Variants in ZFP64 observed in about 807,000 individuals in gnomAD.
ZFP64 encodes zinc finger protein 64.
In ZFP64, 14 loss-of-function variants were observed where a neutral mutation model predicts 51.6. The ratio of observed to expected loss-of-function variants is 0.27; its 90% confidence interval spans 0.18 to 0.42. The LOEUF is 0.42. Among genes scored for constraint, ZFP64 ranks in the 10% least tolerant of loss-of-function variants. ZFP64 has a pLI of 1.00. For synonymous variants in ZFP64, 375 were observed against 361.4 expected (o/e 1.04, Z -0.43); for missense variants, 754 against 906.8 (o/e 0.83, Z 2.16).
intron 5 of ZFP64, among the ~76,000 whole-genome samples, chr20:52,125,261 C>G (rs776506279): frequency 3.3e-5 from 5 of 152,212 alleles, no homozygotes; most frequent in African/African-American, 1.2e-4. Flanking sequence ...TCAATGAAAC[C>G]AGGGTGGGAA....
chr20:52,084,276 G>A (rs187164979), exon 9 of ZFP64: 3 of 444,008 alleles, frequency 6.8e-6, no homozygotes, highest in Non-Finnish European at 1.2e-5. Flanking sequence ...TATCCCCATT[G>A]GATAGAGCAG....
rs572246427 is a variant in ZFP64 at position 52,093,499 on chromosome 20, G to T, written c.976+3874C>A. Among the ~76,000 whole-genome samples, 25 of 152,290 alleles carry T rather than the reference G, an allele frequency of 1.6e-4. No homozygotes were observed. In the South Asian group the frequency reaches 5.0e-3, roughly 30 times the overall value. On this transcript the variant is annotated intron_variant, in intron 7 of 8. Coordinates refer to the ZFP64 transcript ENST00000361387. The stretch of plus-strand genomic sequence containing the variant: ...ATTTCAGGGGTCTAAGATCTTATAT[G>T]GGAAATGATTGCATTTTTATCTTCC...
chr20:52,092,810 T>A (rs1387483807), intron 7 of ZFP64, among the ~76,000 whole-genome samples: 1 of 152,002 alleles, frequency 6.6e-6, no homozygotes, highest in Non-Finnish European at 1.5e-5. Flanking sequence ...AAGCCAAGAG[T>A]GCACCACTGT....
intron 8 of ZFP64, chr20:52,088,200 G>T: frequency 1.2e-6 from 1 of 855,832 alleles, no homozygotes; most frequent in Non-Finnish European, 1.8e-6. Context: ...AAACCCAGCT[G>T]TCAGTCATAT....
intron 5 of ZFP64, chr20:52,105,450 G>A (rs1978306934): frequency 3.8e-6 from 4 of 1,052,748 alleles, no homozygotes; most frequent in Admixed American, 4.3e-5. Context: ...GTCCGCTCCC[G>A]GGCAGCCCGC....
At chr20:52,103,128 G>C (rs2079071241) in intron 5 of ZFP64, among the ~76,000 whole-genome samples, 1 of 152,182 alleles carries the variant, frequency 6.6e-6, no homozygotes, top group Non-Finnish European at 1.5e-5. Flanking sequence ...TCTGCCTCTG[G>C]AAGTGGGGGT....
chr20:52,162,461 C>T (rs909438001), intron 4 of ZFP64, among the ~76,000 whole-genome samples: 1 of 151,606 alleles, frequency 6.6e-6, no homozygotes, highest in Non-Finnish European at 1.5e-5. Context: ...CCTGTCTCTA[C>T]CAAAAATACA....
intron 5 of ZFP64, among the ~76,000 whole-genome samples, chr20:52,107,278 C>T (rs1191452219): frequency 6.6e-6 from 1 of 152,090 alleles, no homozygotes; most frequent in Non-Finnish European, 1.5e-5. Flanking sequence ...TGTTATTTCA[C>T]CTCAGGTGTA....
intron 7 of ZFP64, chr20:52,089,003 T>TC (rs745509064): frequency 1.9e-6 from 1 of 525,792 alleles, no homozygotes; most frequent in African/African-American, 1.9e-5. Flanking sequence ...GTGGACCCCT[T>TC]CCTCTCACTT....
intron 1 of ZFP64, among the ~76,000 whole-genome samples, chr20:52,188,314 T>C (rs980108661): frequency 0.13 from 17,925 of 137,140 alleles, 1,639 homozygotes; most frequent in African/African-American, 0.28. Context: ...CTTTCTTTTT[T>C]TTTTTTTTTT....
chr20:52,084,447 C>T (rs1344252195), exon 9 of ZFP64: 11 of 1,124,076 alleles, frequency 9.8e-6, no homozygotes, highest in Non-Finnish European at 1.2e-6. Context: ...TTGGAGCGGC[C>T]AGCCCCAGAA....
At chr20:52,172,880 T>A (rs906433750) in intron 2 of ZFP64, among the ~76,000 whole-genome samples, 1 of 152,318 alleles carries the variant, frequency 6.6e-6, no homozygotes, top group South Asian at 2.1e-4. Flanking sequence ...TCCAGGGGAT[T>A]TCCCTTCTTT....
intron 5 of ZFP64, among the ~76,000 whole-genome samples, chr20:52,155,010 T>A (rs1411621644): frequency 1.3e-5 from 2 of 152,168 alleles, no homozygotes; most frequent in African/African-American, 4.8e-5. Context: ...GAACCCTTCT[T>A]AGATAATGTT....
intron 2 of ZFP64, among the ~76,000 whole-genome samples, chr20:52,172,741 T>C (rs1376505278): frequency 1.3e-5 from 2 of 151,888 alleles, no homozygotes; most frequent in African/African-American, 4.8e-5. Context: ...AGCTCAGGGC[T>C]TCAGCCTCTA....
rs1450656601 is a variant in ZFP64, at chr20:52,175,490, C to T, written c.287-9465G>A. 4.6e-5 allele frequency among the ~76,000 whole-genome samples: 7 copies of T among 152,180 alleles called. No individual in the cohort carries two copies. In the East Asian group the frequency reaches 1.3e-3, roughly 29 times the overall value. ...GTTGTTTTTTGCAGTGTCGTTCATGCTTAGGATTCTCATTTAGGGTTCTTG... is the reference window on the plus strand; with the variant it reads ...GTTGTTTTTTGCAGTGTCGTTCATGTTTAGGATTCTCATTTAGGGTTCTTG... On this transcript the variant is annotated intron_variant, in intron 2 of 5. Coordinates refer to ENST00000216923, the MANE Select transcript of ZFP64 (RefSeq NM_018197.3).
At chr20:52,158,632 G>T (rs1218486236) in intron 5 of ZFP64, among the ~76,000 whole-genome samples, 3 of 152,096 alleles carry the variant, frequency 2.0e-5, no homozygotes, top group Non-Finnish European at 4.4e-5. Context: ...CTTGAACCCA[G>T]GAGGCAGAGG....
At chr20:52,116,025 G>C (rs1978848499) in intron 5 of ZFP64, among the ~76,000 whole-genome samples, 1 of 151,724 alleles carries the variant, frequency 6.6e-6, no homozygotes, top group Non-Finnish European at 1.5e-5. Context: ...GTAGAGACAG[G>C]GTTTCTCCAT....
At chr20:52,123,933 TATCTC>T (rs1466487031) in intron 5 of ZFP64, among the ~76,000 whole-genome samples, 5 of 151,916 alleles carry the variant, frequency 3.3e-5, no homozygotes, top group Admixed American at 6.6e-5. Context: ...GCAGTGGCCT[TATCTC>T]AGCTCACTGC....
At chr20:52,143,329 T>A (rs1193989008) in intron 5 of ZFP64, among the ~76,000 whole-genome samples, 1 of 141,554 alleles carries the variant, frequency 7.1e-6, no homozygotes, top group African/African-American at 2.5e-5. Context: ...CAACTAACCA[T>A]CCCTAAAACT....
Sources: gnomAD v4.1 joint callset for allele counts (sites outside exome capture counted in the v4.1 genomes callset) on GRCh38, gnomAD v4.1.1 for gene constraint, MANE v1.5 for transcripts, NCBI Gene and HGNC (gene_info 2026-07-23, HGNC 2026-07-21) for gene names.